The following NPAS2 variants were observed in gnomAD, a reference collection of about 807,000 sequenced individuals.
NPAS2 encodes neuronal PAS domain protein 2, also known as neuronal PAS domain-containing protein 2.
A neutral mutation model predicts 107.5 loss-of-function variants in NPAS2; 23 were observed. The ratio of observed to expected loss-of-function variants is 0.21; its 90% CI spans 0.15 to 0.30. NPAS2 has a LOEUF of 0.30. Among genes scored for constraint, NPAS2 ranks in the 10% least tolerant of loss-of-function variants. NPAS2 has a pLI of 1.00. For synonymous variants in NPAS2, 403 were observed against 417.5 expected, an observed-to-expected ratio of 0.97 and a Z score of 0.42; for missense variants, 756 against 1,043.3, an observed-to-expected ratio of 0.72 and a Z score of 3.79.
intron 7 of NPAS2, among the ~76,000 whole-genome samples, chr2:100,951,767 AG>A (rs1255339506): frequency 6.6e-6 from 1 of 152,192 alleles, no homozygotes; most frequent in African/African-American, 2.4e-5. Context: ...ATGGTTGCAC[AG>A]CAGTGTGAAT....
In NPAS2 at chr2:100,995,974, C is replaced by G; in HGVS notation, c.*392C>G. Reference sequence around the variant, plus strand: ...AGCTGGCCTTCACGCTCTTGATCGTCTTTCCTTTGTATTGGAGAAGGACTG... The same window carrying G: ...AGCTGGCCTTCACGCTCTTGATCGTGTTTCCTTTGTATTGGAGAAGGACTG... On this transcript the variant is annotated 3_prime_UTR_variant, in exon 21 of 21. Coordinates refer to ENST00000335681, the MANE Select transcript of NPAS2 (RefSeq NM_002518.4). 1 of 1,307,188 alleles carries G rather than the reference C, an allele frequency of 7.7e-7. No individual in the cohort carries two copies. Among genetic ancestry groups the G allele is most frequent in the Non-Finnish European group, 9.9e-7 (1 of 1,005,034 alleles). The allele number at this position is 1,307,188 out of a possible 1,614,324, so 81.0% of individuals were successfully genotyped here. A position where few individuals can be genotyped will look rare whatever the true frequency, so the allele number is the denominator to read the frequency against.
intron 1 of NPAS2, among the ~76,000 whole-genome samples, chr2:100,844,484 C>T (rs370535544): frequency 6.6e-6 from 1 of 152,106 alleles, no homozygotes. Flanking sequence ...AGGAGGGGCC[C>T]GTGATTCTGA....
chr2:100,891,960 G>A (rs2104701266), intron 1 of NPAS2, among the ~76,000 whole-genome samples: 1 of 152,236 alleles, frequency 6.6e-6, no homozygotes, highest in East Asian at 1.9e-4. Context: ...TTCCAACAAA[G>A]GCTTTCACTG....
upstream of NPAS2, among the ~76,000 whole-genome samples, chr2:100,819,695 T>C (rs1675934208): frequency 6.6e-6 from 1 of 151,860 alleles, no homozygotes; most frequent in African/African-American, 2.4e-5. This position sits in a 1 kb window ranked among gnomAD's most constrained non-coding sequence, Gnocchi z 5.8. Flanking sequence ...GGGCGGCAGA[T>C]TCCTTGTTCC....
chr2:100,873,807 C>G lies in NPAS2; in HGVS notation c.-22-30926C>G, dbSNP rs376319916. ...CACAAGTAAGCTCCAAAATCCCAAC[C>G]GCTATCATACCTGAGCATCATACCT... On this transcript the variant is annotated intron_variant, in intron 1 of 20. Coordinates refer to ENST00000335681, the MANE Select transcript of NPAS2 (RefSeq NM_002518.4). 8.5e-5 allele frequency among the ~76,000 whole-genome samples: 13 copies of G among 152,222 alleles called. No individual in the cohort carries two copies. In the South Asian group the frequency reaches 2.5e-3, roughly 29 times the overall value.
rs771109849 is a variant in NPAS2, at chr2:100,995,389, T to C, written c.2293-11T>C. On this transcript the variant is annotated splice_polypyrimidine_tract_variant and intron_variant, in intron 20 of 20. Transcript: ENST00000335681. ...AACCACCTCTGAAGCCCTTTGTTCTTTTTTTTCTAGGTACAGGCACCAACC... is the reference window on the plus strand; with the variant it reads ...AACCACCTCTGAAGCCCTTTGTTCTCTTTTTTCTAGGTACAGGCACCAACC... 4 of 1,607,200 alleles carry C rather than the reference T, an allele frequency of 2.5e-6. No individual in the cohort carries two copies. Among genetic ancestry groups the C allele is most frequent in the Admixed American group, 1.7e-5 (1 of 59,298 alleles).
chr2:100,980,438 C>T (rs752492866), intron 15 of NPAS2, among the ~76,000 whole-genome samples: 3 of 151,996 alleles, frequency 2.0e-5, no homozygotes, highest in African/African-American at 4.8e-5. Context: ...TCTGGGATAG[C>T]GCAGGGTTTT....
At chr2:100,880,346 G>A (rs912416124) in intron 1 of NPAS2, among the ~76,000 whole-genome samples, 3 of 152,130 alleles carry the variant, frequency 2.0e-5, no homozygotes, top group East Asian at 1.9e-4. Context: ...TCACAGCAGC[G>A]TTATTCATAA....
intron 2 of NPAS2, among the ~76,000 whole-genome samples, chr2:100,912,547 G>A: frequency 6.6e-6 from 1 of 152,178 alleles, no homozygotes; most frequent in East Asian, 1.9e-4. Context: ...GGGAGTGCCT[G>A]TTTCGTTCCA....
intron 5 of NPAS2, among the ~76,000 whole-genome samples, chr2:100,939,667 G>A (rs1006086361): frequency 1.3e-5 from 2 of 152,186 alleles, no homozygotes; most frequent in East Asian, 1.9e-4. Flanking sequence ...GCAACCACAC[G>A]TGGCCTGCTT....
chr2:100,944,751 C>G (rs1674783458), intron 5 of NPAS2, among the ~76,000 whole-genome samples: 1 of 152,142 alleles, frequency 6.6e-6, no homozygotes. Flanking sequence ...ATCCTCGCAA[C>G]CTCCCACATA....
Position 100,899,175 on chromosome 2 carries a change from G to A in NPAS2, c.-22-5558G>A, listed in dbSNP as rs77275089. ...TGCTAGAGTGGAAAACGGACGTTAC[G>A]TAAAAACTGAGGAAGTCTGAGCAAG... On this transcript the variant is annotated intron_variant, in intron 1 of 20. Coordinates refer to ENST00000335681, the MANE Select transcript of NPAS2 (RefSeq NM_002518.4). 4.6e-3 allele frequency among the ~76,000 whole-genome samples: 702 copies of A among 151,866 alleles called. 4 individuals are homozygous for A. Among genetic ancestry groups the A allele is most frequent in the African/African-American group, 0.016 (666 of 41,420 alleles).
Position 100,982,345 on chromosome 2 carries a change from C to G in NPAS2, c.1597C>G (p.Gln533Glu). ...GGAAGAGCTCCACAAGATCCAGGAGCAGCTCTGCCTGGTCCAGGACTCCAA... is the reference window on the plus strand; with the variant it reads ...GGAAGAGCTCCACAAGATCCAGGAGGAGCTCTGCCTGGTCCAGGACTCCAA... ...QQEELHKIQE[Q>E]LCLVQDSNVQ... The change falls in exon 16 of 21, where the codon CAG becomes GAG. Residue 533 changes from glutamine to glutamate, a missense_variant. Gln to Glu is a conservative substitution (Grantham distance 29). Around this residue, in one of 4 missense-constraint regions of NPAS2, gnomAD observed 496 missense variants for 594.4 expected, o/e 0.83. Transcript: ENST00000335681. 1.9e-6 allele frequency: 3 copies of G among 1,614,176 alleles called. No homozygotes were observed. The highest frequency in any genetic ancestry group is 2.5e-6 in the Non-Finnish European group (3 of 1,180,026).
In NPAS2 at chr2:100,949,528, A is replaced by C. The variant is rs778774888; in HGVS notation, c.598+48A>C. 3.6e-6 allele frequency: 4 copies of C among 1,096,256 alleles called. No individual in the cohort carries two copies. The Admixed American group carries it at 5.1e-5, about 14-fold the overall frequency. 67.9% of individuals were successfully genotyped at this position (1,096,256 alleles called of 1,614,324 possible). On this transcript the variant is annotated intron_variant, in intron 7 of 20. Coordinates refer to ENST00000335681, the MANE Select transcript of NPAS2 (RefSeq NM_002518.4). Reference sequence around the variant, plus strand: ...TTGTGACAGTGTCTTTTCTCATGCAAACGTGCACATGGGGGCATTAAGAAT... The same window carrying C: ...TTGTGACAGTGTCTTTTCTCATGCACACGTGCACATGGGGGCATTAAGAAT...
At chr2:100,872,190 A>T (rs372814381) in intron 1 of NPAS2, among the ~76,000 whole-genome samples, 19 of 152,304 alleles carry the variant, frequency 1.2e-4, no homozygotes, top group African/African-American at 4.3e-4. Flanking sequence ...TGGCTGCAAG[A>T]GCACAGGCTG....
intron 3 of NPAS2, among the ~76,000 whole-genome samples, chr2:100,928,610 T>C (rs755656889): frequency 6.6e-6 from 1 of 152,202 alleles, no homozygotes; most frequent in African/African-American, 2.4e-5. Flanking sequence ...TTAAACACAA[T>C]GAGGATCATG....
At chr2:100,879,536 T>G (rs899211229) in intron 1 of NPAS2, among the ~76,000 whole-genome samples, 1 of 152,100 alleles carries the variant, frequency 6.6e-6, no homozygotes, top group Non-Finnish European at 1.5e-5. Context: ...GTAACCACTA[T>G]TTTCTTCTCT....
In NPAS2 at chr2:100,851,563, A is replaced by G. The variant is rs542129841; in HGVS notation, c.-23+31149A>G. ...AAGTTGGAAGCCAAGACTCTTGAAA[A>G]GCTTTGTGTGGTTAAATAAACCCTG... is the stretch of plus-strand genomic sequence containing the variant. On this transcript the variant is annotated intron_variant, in intron 1 of 20. Coordinates refer to ENST00000335681, the MANE Select transcript of NPAS2 (RefSeq NM_002518.4). Among the ~76,000 whole-genome samples the G allele has an allele frequency of 4.1e-4, 63 of 152,354 alleles. 1 individual carries two copies. The highest frequency in any genetic ancestry group is 1.5e-3 in the African/African-American group (63 of 41,576).
At position 100,977,671 on chromosome 2, in the gene NPAS2, G is replaced by A. The variant is rs772595117; in HGVS notation, c.1393-39G>A. 9.6e-6 allele frequency: 15 copies of A among 1,564,558 alleles called. No homozygotes were observed. The Admixed American group carries it at 2.2e-4, about 23-fold the overall frequency. On this transcript the variant is annotated intron_variant, in intron 14 of 20. Coordinates refer to ENST00000335681, the MANE Select transcript of NPAS2 (RefSeq NM_002518.4). ...GACCACATCCCTGTCCCCTGGAATG[G>A]CAGAAGCAGTGGTAACAAAGCCCCT...
Sources: allele counts gnomAD v4.1 joint callset (sites outside exome capture counted in the v4.1 genomes callset), GRCh38; gene constraint gnomAD v4.1.1; regional missense constraint gnomAD v4.1.1; non-coding constraint Gnocchi (gnomAD v3.1); transcripts MANE v1.5; gene names NCBI Gene and HGNC (gene_info 2026-07-23, HGNC 2026-07-21).